Variants in CCDC102B observed in about 807,000 individuals in gnomAD.
CCDC102B encodes the protein coiled-coil domain containing 102B, also known as coiled-coil domain-containing protein 102B.
A neutral mutation model predicts 57.4 loss-of-function variants in CCDC102B; 75 were observed. The ratio of observed to expected loss-of-function variants is 1.31; its 90% CI spans 1.08 to 1.58. CCDC102B has a LOEUF of 1.58. Among genes scored for constraint, CCDC102B ranks in the 40% most tolerant of loss-of-function variants. The probability of loss-of-function intolerance (pLI) is 0.00; values close to 1 mark genes in which losing one functional copy is unlikely to be tolerated. For missense variants in CCDC102B, 636 were observed against 582.6 expected (o/e 1.09, Z -0.94); for synonymous variants, 206 against 201.9 (o/e 1.02, Z -0.17).
intron 5 of CCDC102B, among the ~76,000 whole-genome samples, chr18:68,891,043 G>T (rs1180231445): frequency 1.3e-5 from 2 of 152,120 alleles, no homozygotes; most frequent in East Asian, 3.8e-4. Context: ...ATTTTCTAAT[G>T]TGATTGTCCC....
intron 2 of CCDC102B, among the ~76,000 whole-genome samples, chr18:68,837,886 T>G (rs1267010913): frequency 1.3e-5 from 2 of 152,178 alleles, no homozygotes; most frequent in African/African-American, 4.8e-5. Context: ...TGTCAAAATA[T>G]TATAGTACAG....
At chr18:68,806,646 A>G (rs146110025) in intron 1 of CCDC102B, among the ~76,000 whole-genome samples, 1 of 152,180 alleles carries the variant, frequency 6.6e-6, no homozygotes, top group Non-Finnish European at 1.5e-5. Flanking sequence ...AGTCTATTGG[A>G]TGCTCTACAG....
intron 2 of CCDC102B, among the ~76,000 whole-genome samples, chr18:68,720,544 C>T (rs1430804547): frequency 5.3e-5 from 8 of 152,146 alleles, no homozygotes; most frequent in Non-Finnish European, 1.0e-4. Flanking sequence ...CAAGAGAGAA[C>T]GTGCACTCAT....
chr18:68,961,753 G>C (rs1486796559), intron 6 of CCDC102B, among the ~76,000 whole-genome samples: 1 of 151,954 alleles, frequency 6.6e-6, no homozygotes, highest in Non-Finnish European at 1.5e-5. Flanking sequence ...GTGAAATTAT[G>C]TATTTGCTCA....
At chr18:68,756,507 T>A (rs1412519845) in intron 2 of CCDC102B, among the ~76,000 whole-genome samples, 7 of 152,192 alleles carry the variant, frequency 4.6e-5, no homozygotes, top group African/African-American at 1.7e-4. Context: ...TGATTATATA[T>A]GAAAATATCC....
intron 4 of CCDC102B, among the ~76,000 whole-genome samples, chr18:68,849,820 A>T (rs2038043257): frequency 6.6e-6 from 1 of 152,074 alleles, no homozygotes. Context: ...CCAATAGGTG[A>T]TTACTGTTGA....
At chr18:68,736,628 A>G (rs754949821) in intron 2 of CCDC102B, among the ~76,000 whole-genome samples, 1 of 152,134 alleles carries the variant, frequency 6.6e-6, no homozygotes, top group Non-Finnish European at 1.5e-5. Context: ...TTTACATCAG[A>G]TCCAGTTATT....
intron 6 of CCDC102B, among the ~76,000 whole-genome samples, chr18:68,941,967 G>T (rs2049391101): frequency 6.6e-6 from 1 of 151,954 alleles, no homozygotes; most frequent in East Asian, 1.9e-4. Flanking sequence ...TTAATGTGCT[G>T]GTAATTGTCT....
At chr18:68,821,550 G>T (rs1424185943) in intron 1 of CCDC102B, among the ~76,000 whole-genome samples, 3 of 147,808 alleles carry the variant, frequency 2.0e-5, no homozygotes, top group East Asian at 4.1e-4. Context: ...ACAGAGTTTT[G>T]TCCTATCTGG....
chr18:69,012,252 A>G (rs898552791), intron 7 of CCDC102B, among the ~76,000 whole-genome samples: 69 of 152,258 alleles, frequency 4.5e-4, no homozygotes, highest in African/African-American at 1.4e-3. Context: ...AATAATTTTA[A>G]CATGCAAGTA....
intron 5 of CCDC102B, among the ~76,000 whole-genome samples, chr18:68,875,721 A>T (rs574782162): frequency 1.2e-4 from 19 of 152,226 alleles, no homozygotes; most frequent in African/African-American, 4.6e-4. Context: ...CAGTCTCCAG[A>T]TTAAAATAAT....
At chr18:68,941,519 A>C (rs1300419840) in intron 6 of CCDC102B, among the ~76,000 whole-genome samples, 1 of 152,066 alleles carries the variant, frequency 6.6e-6, no homozygotes, top group African/African-American at 2.4e-5. Flanking sequence ...CCCTCATGCT[A>C]TTTGTTTCTT....
intron 6 of CCDC102B, among the ~76,000 whole-genome samples, chr18:68,958,022 G>A (rs143655587): frequency 2.4e-4 from 37 of 152,270 alleles, no homozygotes; most frequent in African/African-American, 7.9e-4. Context: ...GGCTGGGGAG[G>A]CCTCACAATC....
chr18:68,716,160 G>C (rs1025406103), intron 1 of CCDC102B, among the ~76,000 whole-genome samples: 7 of 151,348 alleles, frequency 4.6e-5, no homozygotes, highest in Non-Finnish European at 8.8e-5. Flanking sequence ...AACGTAAGGG[G>C]ACTGTTGAAA....
intron 2 of CCDC102B, among the ~76,000 whole-genome samples, chr18:68,792,855 G>A (rs911372201): frequency 9.9e-5 from 15 of 152,080 alleles, no homozygotes; most frequent in African/African-American, 3.6e-4. Context: ...TTAGTTTTGT[G>A]TTATAGCTTA....
intron 3 of CCDC102B, among the ~76,000 whole-genome samples, chr18:68,843,762 C>G (rs1212299939): frequency 6.6e-6 from 1 of 151,944 alleles, no homozygotes; most frequent in African/African-American, 2.4e-5. Context: ...CTTCTTGTAG[C>G]TCAAATACTC....
chr18:69,011,101 T>C lies in CCDC102B; in HGVS notation c.1431T>C (p.Asp477=), dbSNP rs1439430378. 4.3e-6 allele frequency: 7 copies of C among 1,612,586 alleles called. No individual in the cohort carries two copies. Among genetic ancestry groups the C allele is most frequent in the African/African-American group, 1.3e-5 (1 of 74,810 alleles). The change falls in exon 7 of 8, where the codon GAT becomes GAC. Residue 477 remains aspartate (D), a synonymous_variant. Transcript: ENST00000360242. ...AGCAGGGACTCAATCAAAAAGAAGA[T>C]GAGGTACTACTTTATGAGTGAACAC... is the stretch of plus-strand genomic sequence containing the variant. The part of the protein sequence containing the change: ...ELKQGLNQKE[D]ELDDSLNQIR...
intron 4 of CCDC102B, among the ~76,000 whole-genome samples, chr18:68,847,961 G>C (rs1015830741): frequency 6.6e-6 from 1 of 151,414 alleles, no homozygotes; most frequent in African/African-American, 2.4e-5. Context: ...CATTTCTGAT[G>C]TTCTTATGTT....
At chr18:68,956,352 AT>A (rs369924899) in intron 6 of CCDC102B, among the ~76,000 whole-genome samples, 32 of 35,496 alleles carry the variant, frequency 9.0e-4, no homozygotes, top group Admixed American at 1.4e-3. Context: ...ATATATATTA[AT>A]ATATATAATA....
Sources: gnomAD v4.1 joint callset for allele counts (sites outside exome capture counted in the v4.1 genomes callset) on GRCh38, gnomAD v4.1.1 for gene constraint, MANE v1.5 for transcripts, NCBI Gene and HGNC (gene_info 2026-07-23, HGNC 2026-07-21) for gene names.